The following PCGF5 variants were observed in gnomAD, a reference collection of about 807,000 sequenced individuals.
PCGF5 encodes polycomb group RING finger protein 5.
Under a neutral mutation model 44.3 loss-of-function variants are expected in PCGF5, and 9 were observed. The observed-to-expected ratio is 0.20, with a 90% confidence interval of 0.12 to 0.35. PCGF5 has a LOEUF of 0.35. Among genes scored for constraint, PCGF5 ranks in the 10% least tolerant of loss-of-function variants. The pLI is 1.00. For missense variants in PCGF5, 146 were observed against 305.3 expected (o/e 0.48, Z 3.89); for synonymous variants, 95 against 102.5 (o/e 0.93, Z 0.44).
Position 91,284,000 on chromosome 10 carries a change from G to A in PCGF5, c.*5684G>A, listed in dbSNP as rs956718837. 6.6e-6 allele frequency: 1 copy of A among 152,556 alleles called. No homozygotes were observed. The highest frequency in any genetic ancestry group is 1.5e-5 in the Non-Finnish European group (1 of 68,022). The allele number at this position is 152,556 out of a possible 1,614,324, so 9.5% of individuals were successfully genotyped here. On this transcript the variant is annotated 3_prime_UTR_variant, in exon 10 of 10. Coordinates refer to ENST00000336126, the MANE Select transcript of PCGF5 (RefSeq NM_032373.5). ...GTCTATTAAGAATATATGTATTTTTGTAAAGGAAAAGCACTTGTAGATATT... is the reference window on the plus strand; with the variant it reads ...GTCTATTAAGAATATATGTATTTTTATAAAGGAAAAGCACTTGTAGATATT...
At chr10:91,238,896 G>C (rs190674847) in intron 2 of PCGF5, among the ~76,000 whole-genome samples, 2 of 151,720 alleles carry the variant, frequency 1.3e-5, no homozygotes, top group African/African-American at 4.8e-5. Flanking sequence ...CTTTTTTTAA[G>C]GTTTTCTGAT....
At position 91,207,291 on chromosome 10, in the gene PCGF5, A is replaced by G. The variant is rs567568113; in HGVS notation, c.-183-15398A>G. Among the ~76,000 whole-genome samples, 3 of 152,300 alleles carry G rather than the reference A, an allele frequency of 2.0e-5. No homozygotes were observed. The South Asian group carries it at 6.2e-4, about 32-fold the overall frequency. On this transcript the variant is annotated intron_variant, in intron 1 of 9. Coordinates refer to the PCGF5 transcript ENST00000614189. ...GCCATTTGTCATTGCATTACTTTTGATCTTACACATTTTTTCTACTTTCAG... is the reference window on the plus strand; with the variant it reads ...GCCATTTGTCATTGCATTACTTTTGGTCTTACACATTTTTTCTACTTTCAG...
In PCGF5 at chr10:91,284,030, C is replaced by T. The variant is rs181980522; in HGVS notation, c.*5714C>T. The T allele has an allele frequency of 1.4e-4, 22 of 152,656 alleles. No homozygotes were observed. Among genetic ancestry groups the T allele is most frequent in the Admixed American group, 1.0e-3 (16 of 15,282 alleles). The allele number at this position is 152,656 out of a possible 1,614,324, so 9.5% of individuals were successfully genotyped here. A position where few individuals can be genotyped will look rare whatever the true frequency, so the allele number is the denominator to read the frequency against. ...GGAAAAGCACTTGTAGATATTTAATCAGTACAAGATATGTCTTTTGCAGAA... is the reference window on the plus strand; with the variant it reads ...GGAAAAGCACTTGTAGATATTTAATTAGTACAAGATATGTCTTTTGCAGAA... On this transcript the variant is annotated 3_prime_UTR_variant, in exon 10 of 10. Coordinates refer to ENST00000336126, the MANE Select transcript of PCGF5 (RefSeq NM_032373.5).
At chr10:91,255,023 A>G (rs1381822006) in intron 6 of PCGF5, among the ~76,000 whole-genome samples, 1 of 152,100 alleles carries the variant, frequency 6.6e-6, no homozygotes, top group Non-Finnish European at 1.5e-5. Flanking sequence ...CCAAAGGGAA[A>G]GAACAGAGGT....
intron 2 of PCGF5, among the ~76,000 whole-genome samples, chr10:91,230,939 G>A (rs536611607): frequency 6.6e-5 from 10 of 152,032 alleles, no homozygotes; most frequent in Non-Finnish European, 1.2e-4. Flanking sequence ...TTTTAGAGAC[G>A]GGATCTTACC....
rs116235886 is a variant in PCGF5 at position 91,248,600 on chromosome 10, A to G, written c.265+40A>G. 1,865 of 1,604,304 alleles carry G rather than the reference A, an allele frequency of 1.2e-3. 21 individuals are homozygous for G. In the African/African-American group the frequency reaches 0.022, roughly 19 times the overall value. ...AGGTTCTTGCAGACTTTTGTGTTTT[A>G]TGAAATCAACACTTCTATTAAAGAT... On this transcript the variant is annotated intron_variant, in intron 4 of 9. Transcript: ENST00000336126.
At chr10:91,187,613 AT>A (rs1042412157) in intron 1 of PCGF5, among the ~76,000 whole-genome samples, 6 of 152,204 alleles carry the variant, frequency 3.9e-5, no homozygotes, top group African/African-American at 1.4e-4. Flanking sequence ...CTCTTGATTC[AT>A]GGGGTCCTTC....
chr10:91,158,187 T>A (rs1843343144), upstream of PCGF5, among the ~76,000 whole-genome samples: 1 of 152,202 alleles, frequency 6.6e-6, no homozygotes, highest in South Asian at 2.1e-4. Context: ...ATAGGAGAGA[T>A]AAGCTTCAGT....
chr10:91,264,615 A>G, intron 8 of PCGF5, 95 bp downstream of exon 8: 1 of 946,188 alleles, frequency 1.1e-6, no homozygotes, highest in Non-Finnish European at 1.6e-6. Context: ...AAGACAAACT[A>G]GCTTGGGAAG....
chr10:91,225,767 G>A (rs1445391021), intron 2 of PCGF5, among the ~76,000 whole-genome samples: 1 of 151,878 alleles, frequency 6.6e-6, no homozygotes, highest in Admixed American at 6.6e-5. Context: ...GATAGTTTTT[G>A]CCTCTAAGCC....
chr10:91,228,005 G>A (rs2133300998), intron 2 of PCGF5: 1 of 885,060 alleles, frequency 1.1e-6, no homozygotes, highest in Non-Finnish European at 1.4e-6. Flanking sequence ...TGCAGTGATA[G>A]GTAACTTGAA....
upstream of PCGF5, among the ~76,000 whole-genome samples, chr10:91,162,079 G>A (rs1266258676): frequency 6.6e-6 from 1 of 151,982 alleles, no homozygotes; most frequent in Non-Finnish European, 1.5e-5. Context: ...GGGTATTCTG[G>A]CAGAGAACAG....
intron 1 of PCGF5, among the ~76,000 whole-genome samples, chr10:91,207,778 C>G (rs1844373499): frequency 6.6e-6 from 1 of 152,110 alleles, no homozygotes; most frequent in Admixed American, 6.5e-5. Context: ...TCAATGTGGA[C>G]TTATTTTATG....
intron 7 of PCGF5, among the ~76,000 whole-genome samples, chr10:91,262,843 T>G (rs1845955447): frequency 6.6e-6 from 1 of 152,238 alleles, no homozygotes; most frequent in South Asian, 2.1e-4. Context: ...TAAATTGTTC[T>G]TATGATTTGG....
rs775485529 is a variant in PCGF5 at position 91,278,325 on chromosome 10, G to A, written c.*9G>A. ...GAATTGATTTCGGTTAGACCAAGGG[G>A]CCCAGACCTCACTGAGATGAATCCT... On this transcript the variant is annotated 3_prime_UTR_variant, in exon 10 of 10. Transcript: ENST00000336126. 23 of 1,607,426 alleles carry A rather than the reference G, an allele frequency of 1.4e-5. No homozygotes were observed. In the Admixed American group the frequency reaches 3.8e-4, roughly 27 times the overall value.
intron 1 of PCGF5, among the ~76,000 whole-genome samples, chr10:91,179,514 A>G (rs1009453879): frequency 1.3e-5 from 2 of 152,110 alleles, no homozygotes; most frequent in African/African-American, 4.8e-5. Context: ...TCCACCCTCC[A>G]AAAGGACCCA....
intron 1 of PCGF5, among the ~76,000 whole-genome samples, chr10:91,201,103 T>C (rs1844243672): frequency 6.6e-6 from 1 of 152,236 alleles, no homozygotes; most frequent in South Asian, 2.1e-4. Context: ...CACATTTTCA[T>C]GGGAGCTGTC....
intron 9 of PCGF5, 109 bp from the exon 10 acceptor site, chr10:91,278,160 C>A: frequency 2.3e-6 from 2 of 877,618 alleles, no homozygotes; most frequent in Middle Eastern, 2.7e-4. Flanking sequence ...ATCACTAGTA[C>A]CAGGAAATAC....
intron 2 of PCGF5, among the ~76,000 whole-genome samples, chr10:91,223,260 A>G (rs1844729493): frequency 6.6e-6 from 1 of 152,228 alleles, no homozygotes; most frequent in South Asian, 2.1e-4. Flanking sequence ...TAAGTGAACT[A>G]TTTCAGGTTT....
Sources: allele counts gnomAD v4.1 joint callset (sites outside exome capture counted in the v4.1 genomes callset), GRCh38; gene constraint gnomAD v4.1.1; transcripts MANE v1.5; gene names NCBI Gene and HGNC (gene_info 2026-07-23, HGNC 2026-07-21).